Variants in PLSCR2 observed in about 807,000 individuals in gnomAD.
The protein encoded by PLSCR2 is phospholipid scramblase 2.
In PLSCR2, 18 loss-of-function variants were observed where a neutral mutation model predicts 25.3. That is an observed-to-expected ratio of 0.71 (90% CI 0.49 to 1.06). The LOEUF is 1.06. Ranked by LOEUF, PLSCR2 falls within the 50% of genes least tolerant of loss-of-function variation. The probability of loss-of-function intolerance (pLI) is 0.00; values close to 1 mark genes in which losing one functional copy is unlikely to be tolerated. For synonymous variants in PLSCR2, 88 were observed against 87.3 expected (o/e 1.01, Z -0.04); for missense variants, 243 against 269.5 (o/e 0.90, Z 0.69).
chr3:146,434,198 G>A (rs993575347), intron 8 of PLSCR2, among the ~76,000 whole-genome samples: 5 of 152,046 alleles, frequency 3.3e-5, no homozygotes, highest in Non-Finnish European at 7.4e-5. Context: ...ATATCTCACT[G>A]TATTGGAAAC....
At chr3:146,395,257 T>A (rs1310808296) in intron 3 of PLSCR2, among the ~76,000 whole-genome samples, 7 of 152,188 alleles carry the variant, frequency 4.6e-5, no homozygotes, top group African/African-American at 1.2e-4. Flanking sequence ...ATATTTAATT[T>A]GTGAATTTAA....
intron 2 of PLSCR2, among the ~76,000 whole-genome samples, chr3:146,397,049 G>A (rs1016179657): frequency 6.6e-6 from 1 of 152,016 alleles, no homozygotes; most frequent in African/African-American, 2.4e-5. Context: ...CTCTACATGC[G>A]TCTTAGTCCC....
At chr3:146,469,628 C>T (rs957983265) in intron 1 of PLSCR2, 67 bp from the exon 1 acceptor site, 3 of 946,580 alleles carry the variant, frequency 3.2e-6, no homozygotes, top group Admixed American at 1.2e-4. Context: ...GGGGCCTGGA[C>T]CAGCCTCAGA....
At chr3:146,469,542 A>G in intron 1 of PLSCR2, 1 of 985,376 alleles carries the variant, frequency 1.0e-6, no homozygotes, top group Non-Finnish European at 1.2e-6. Flanking sequence ...CCGAGGTCCT[A>G]GCGTGGCTTC....
downstream of PLSCR2, among the ~76,000 whole-genome samples, chr3:146,439,101 C>T (rs1333161141): frequency 6.6e-6 from 1 of 152,160 alleles, no homozygotes; most frequent in African/African-American, 2.4e-5. Context: ...TGAATATTGG[C>T]CCCCACTCTC....
intron 1 of PLSCR2, among the ~76,000 whole-genome samples, chr3:146,470,414 G>T (rs536272372): frequency 6.6e-6 from 1 of 152,114 alleles, no homozygotes; most frequent in African/African-American, 2.4e-5. Context: ...GTGTGGTGGT[G>T]TGCCCCTGTA....
chr3:146,462,811 G>C (rs749196758), upstream of PLSCR2, among the ~76,000 whole-genome samples: 4 of 152,134 alleles, frequency 2.6e-5, no homozygotes, highest in Non-Finnish European at 5.9e-5. Context: ...GTCTAATCAG[G>C]AGGAAAGCCA....
At chr3:146,418,504 G>A (rs780737576) in intron 2 of PLSCR2, among the ~76,000 whole-genome samples, 1 of 152,132 alleles carries the variant, frequency 6.6e-6, no homozygotes, top group Non-Finnish European at 1.5e-5. Flanking sequence ...TAGTTTCCCT[G>A]TTAGAGGCAT....
chr3:146,393,410 T>A (rs959431112), intron 3 of PLSCR2, among the ~76,000 whole-genome samples: 1 of 152,134 alleles, frequency 6.6e-6, no homozygotes, highest in African/African-American at 2.4e-5. Flanking sequence ...AAGGTCTAAA[T>A]GATAATGATT....
Position 146,408,541 on chromosome 3 carries a change from T to C in PLSCR2, c.101-12620A>G, listed in dbSNP as rs1419787784. The stretch of plus-strand genomic sequence containing the variant: ...TGTTTTTTTTAAGAAAACTTTCGAT[T>C]GTCAGAAACCTTTTGGGCTATTTCT... On this transcript the variant is annotated intron_variant and NMD_transcript_variant, in intron 2 of 3. Coordinates refer to the PLSCR2 transcript ENST00000463633. Among the ~76,000 whole-genome samples the C allele has an allele frequency of 2.0e-5, 3 of 152,180 alleles. No individual in the cohort carries two copies. In the East Asian group the frequency reaches 5.8e-4, roughly 29 times the overall value.
intron 6 of PLSCR2, among the ~76,000 whole-genome samples, chr3:146,444,847 T>C (rs2040454174): frequency 6.6e-6 from 1 of 152,050 alleles, no homozygotes; most frequent in Admixed American, 6.6e-5. Flanking sequence ...CTTTCCTTCC[T>C]TCCTGTCATC....
At chr3:146,469,755 C>T (rs1489318037) in intron 1 of PLSCR2, among the ~76,000 whole-genome samples, 194 bp from the exon 1 acceptor site, 1 of 150,860 alleles carries the variant, frequency 6.6e-6, no homozygotes, top group Non-Finnish European at 1.5e-5. Flanking sequence ...TGGAGCGCGG[C>T]CGAGCTGGGG....
At chr3:146,431,686 A>G (rs1576609076), downstream of PLSCR2, among the ~76,000 whole-genome samples, 1 of 152,166 alleles carries the variant, frequency 6.6e-6, no homozygotes, top group Non-Finnish European at 1.5e-5. Flanking sequence ...ATGTGGTAAA[A>G]CCCTCTGGCA....
chr3:146,453,977 C>T, intron 5 of PLSCR2, 25 bp downstream of exon 5: 1 of 1,536,590 alleles, frequency 6.5e-7, no homozygotes, highest in East Asian at 2.3e-5. Context: ...AAAGCAAATC[C>T]TATAAACATT....
rs1039823073 is a variant in PLSCR2, at chr3:146,454,167, C to A, written c.322-4G>T. 23 of 1,570,028 alleles carry A rather than the reference C, an allele frequency of 1.5e-5. No homozygotes were observed. The Admixed American group carries it at 1.8e-4, about 12-fold the overall frequency. On this transcript the variant is annotated splice_polypyrimidine_tract_variant and splice_region_variant and intron_variant, in intron 4 of 6. Transcript: ENST00000610787. ...CAGGAGGAGCTTGGATTTCTATCTA[C>A]AAAAGTAAAATATGTGTGAACGTAA...
chr3:146,392,466 T>G (rs983720201), intron 3 of PLSCR2, among the ~76,000 whole-genome samples: 8 of 151,870 alleles, frequency 5.3e-5, no homozygotes, highest in Non-Finnish European at 1.0e-4. Flanking sequence ...GTGGTTTTTA[T>G]TCCCTCTTTG....
At chr3:146,428,596 C>A (rs916867080), downstream of PLSCR2, among the ~76,000 whole-genome samples, 6 of 152,152 alleles carry the variant, frequency 3.9e-5, no homozygotes, top group Non-Finnish European at 5.9e-5. Flanking sequence ...CCTTGTAAAT[C>A]CTGAGTTCAA....
chr3:146,488,824 A>G (rs1303246094), intron 1 of PLSCR2, among the ~76,000 whole-genome samples: 4 of 152,136 alleles, frequency 2.6e-5, no homozygotes, highest in Non-Finnish European at 5.9e-5. Flanking sequence ...TGGGTATATA[A>G]CAGAAGGAAT....
At chr3:146,458,983 C>G (rs1436825699) in intron 2 of PLSCR2, among the ~76,000 whole-genome samples, 1 of 151,982 alleles carries the variant, frequency 6.6e-6, no homozygotes, top group East Asian at 1.9e-4. Flanking sequence ...ATAAAGAGTA[C>G]AAGAGAGATA....
Sources: allele counts gnomAD v4.1 joint callset (sites outside exome capture counted in the v4.1 genomes callset), GRCh38; gene constraint gnomAD v4.1.1; transcripts MANE v1.5; gene names NCBI Gene and HGNC (gene_info 2026-07-23, HGNC 2026-07-21).